MTHFSD: variants seen among roughly 807,000 people sequenced by gnomAD.
The protein encoded by MTHFSD is methenyltetrahydrofolate synthetase domain containing, also known as methenyltetrahydrofolate synthase domain-containing protein.
A neutral mutation model predicts 31.1 loss-of-function variants in MTHFSD; 37 were observed. The observed-to-expected ratio is 1.19, with a 90% CI of 0.91 to 1.56. The LOEUF (loss-of-function observed/expected upper bound fraction) is 1.56. MTHFSD is among the 40% of genes most tolerant of loss of function. MTHFSD has a pLI of 0.00. For synonymous variants in MTHFSD, 221 were observed against 206.9 expected (o/e 1.07, Z -0.59); for missense variants, 664 against 510.1 (o/e 1.30, Z -2.91).
Position 86,531,753 on chromosome 16 carries a change from G to C in MTHFSD, c.*258C>G, listed in dbSNP as rs562694781. The C allele has an allele frequency of 3.9e-5, 13 of 336,196 alleles. No individual in the cohort carries two copies. The highest frequency in any genetic ancestry group is 2.5e-4 in the African/African-American group (12 of 47,208). 20.8% of individuals were successfully genotyped at this position (336,196 alleles called of 1,614,324 possible). A position where few individuals can be genotyped will look rare whatever the true frequency, so the allele number is the denominator to read the frequency against. ...CTGTCCCTCCAGAGAAACAGAAACC[G>C]ACTCAAGGCCCGAGCCTGCACGATT... On this transcript the variant is annotated 3_prime_UTR_variant, in exon 8 of 8. Coordinates refer to ENST00000360900, the MANE Select transcript of MTHFSD (RefSeq NM_001159377.2). This position sits in a 1 kb window ranked among gnomAD's most constrained non-coding sequence, Gnocchi z 5.5.
intron 7 of MTHFSD, among the ~76,000 whole-genome samples, chr16:86,538,279 C>G (rs1970993602): frequency 6.6e-6 from 1 of 152,166 alleles, no homozygotes; most frequent in Non-Finnish European, 1.5e-5. Flanking sequence ...TGTGGTGGGT[C>G]TCCACGGTCC....
At chr16:86,532,891 A>C in intron 7 of MTHFSD, 2 of 154,572 alleles carry the variant, frequency 1.3e-5, no homozygotes, top group Non-Finnish European at 2.9e-5. Flanking sequence ...AGCTCCCCTA[A>C]TGACCCCCCC....
chr16:86,535,879 T>G (rs567588598), intron 7 of MTHFSD, among the ~76,000 whole-genome samples: 4 of 152,256 alleles, frequency 2.6e-5, no homozygotes, highest in African/African-American at 9.6e-5. Flanking sequence ...AGACAGGGTC[T>G]CACTGTGTCA....
intron 2 of MTHFSD, chr16:86,553,321 G>T (rs1195418184): frequency 6.6e-6 from 1 of 152,378 alleles, no homozygotes. Context: ...CGGCCTTGGC[G>T]CCTACTCTGG....
At chr16:86,543,002 G>A (rs907111391) in intron 5 of MTHFSD, among the ~76,000 whole-genome samples, 7 of 152,208 alleles carry the variant, frequency 4.6e-5, no homozygotes, top group African/African-American at 7.2e-5. Context: ...CACTGCTGCC[G>A]TGTCTAAGAC....
intron 3 of MTHFSD, among the ~76,000 whole-genome samples, chr16:86,549,658 C>A (rs930708566): frequency 6.6e-6 from 1 of 152,234 alleles, no homozygotes; most frequent in Non-Finnish European, 1.5e-5. Context: ...ATTAGAATCA[C>A]CAGCAAGCTT....
chr16:86,548,462 AC>A lies in MTHFSD; in HGVS notation c.351+1del. On this transcript the variant is annotated splice_donor_variant, in intron 4 of 7. Transcript: ENST00000360900. LOFTEE classifies it high-confidence loss of function. Reference sequence around the variant, plus strand: ...GGTGGGGACATTGCTTCTGGTACTTACCTGAGAGGTGGCACATTTTCTCAAG... The same window carrying A: ...GGTGGGGACATTGCTTCTGGTACTTACTGAGAGGTGGCACATTTTCTCAAG... The A allele has an allele frequency of 6.2e-7, 1 of 1,611,632 alleles. No individual in the cohort carries two copies. Among genetic ancestry groups the A allele is most frequent in the Non-Finnish European group, 8.5e-7 (1 of 1,178,034 alleles).
intron 7 of MTHFSD, among the ~76,000 whole-genome samples, chr16:86,539,881 T>C (rs1052091539): frequency 2.6e-5 from 4 of 152,166 alleles, no homozygotes; most frequent in Non-Finnish European, 4.4e-5. Context: ...ATCCCAGATA[T>C]TCCAGTAAGA....
At position 86,555,152 on chromosome 16, in the gene MTHFSD, C is replaced by G. The variant is rs761349018; in HGVS notation, c.16+17G>C. The G allele has an allele frequency of 1.3e-6, 2 of 1,535,184 alleles. No individual in the cohort carries two copies. The highest frequency in any genetic ancestry group is 3.9e-5 in the Admixed American group (2 of 50,892). On this transcript the variant is annotated intron_variant, in intron 1 of 7. Coordinates refer to ENST00000360900, the MANE Select transcript of MTHFSD (RefSeq NM_001159377.2). ...TCCCCATTCCCAGCCGCCCCGGAGCCCCGCCAGGCCCCCCACCTGCCCTCG... is the reference window on the plus strand; with the variant it reads ...TCCCCATTCCCAGCCGCCCCGGAGCGCCGCCAGGCCCCCCACCTGCCCTCG...
At chr16:86,535,310 CCCT>C (rs1970530295) in intron 7 of MTHFSD, 8 of 970,400 alleles carry the variant, frequency 8.2e-6, no homozygotes, top group African/African-American at 3.9e-5. Context: ...CACATCAGCT[CCCT>C]CCTCCTCAAG....
intron 3 of MTHFSD, 153 bp downstream of exon 3, chr16:86,551,880 G>C: frequency 1.4e-6 from 2 of 1,424,348 alleles, no homozygotes; most frequent in Non-Finnish European, 9.3e-7. Flanking sequence ...ACTATTCTTG[G>C]AAAAATCACC....
Position 86,552,381 on chromosome 16 carries a change from A to C in MTHFSD, c.124-235T>G, listed in dbSNP as rs1355182804. Reference sequence around the variant, plus strand: ...AGCAGCTCGGCCCAGAATCTCACCCAGACAGGCACTAACAGTCACCCAAAG... The same window carrying C: ...AGCAGCTCGGCCCAGAATCTCACCCCGACAGGCACTAACAGTCACCCAAAG... On this transcript the variant is annotated intron_variant, in intron 2 of 7. Coordinates refer to ENST00000360900, the MANE Select transcript of MTHFSD (RefSeq NM_001159377.2). The C allele has an allele frequency of 4.5e-6, 5 of 1,122,550 alleles. No homozygotes were observed. The Admixed American group carries it at 1.1e-4, about 24-fold the overall frequency. The allele number at this position is 1,122,550 out of a possible 1,614,324, so 69.5% of individuals were successfully genotyped here. A position where few individuals can be genotyped will look rare whatever the true frequency, so the allele number is the denominator to read the frequency against.
intron 4 of MTHFSD, among the ~76,000 whole-genome samples, 177 bp from the exon 5 acceptor site, chr16:86,546,826 G>A (rs1972382062): frequency 1.3e-5 from 2 of 152,182 alleles, no homozygotes; most frequent in South Asian, 4.1e-4. Flanking sequence ...ACCGCTTTAG[G>A]GCACAGTTTC....
At chr16:86,540,660 C>T (rs1971371299) in intron 7 of MTHFSD, 2 of 987,480 alleles carry the variant, frequency 2.0e-6, no homozygotes, top group Admixed American at 5.9e-5. Flanking sequence ...CATTGGCTTC[C>T]ACTTACAAGG....
chr16:86,535,771 T>C (rs1255050303), intron 7 of MTHFSD, among the ~76,000 whole-genome samples: 1 of 152,216 alleles, frequency 6.6e-6, no homozygotes, highest in Non-Finnish European at 1.5e-5. Flanking sequence ...CTTACCATTT[T>C]GGATAAACTG....
intron 7 of MTHFSD, chr16:86,532,808 T>C (rs1436024843): frequency 4.8e-6 from 1 of 207,634 alleles, no homozygotes; most frequent in Non-Finnish European, 9.5e-6. Flanking sequence ...AAGCTGGGGC[T>C]CTCTGCTCAG....
intron 1 of MTHFSD, 122 bp downstream of exon 1, chr16:86,555,047 C>T: frequency 1.4e-6 from 2 of 1,470,176 alleles, no homozygotes; most frequent in Non-Finnish European, 1.8e-6. Context: ...CTGACCTCCT[C>T]GGCCGCTTCC....
At chr16:86,550,754 C>T (rs1404172601) in intron 3 of MTHFSD, among the ~76,000 whole-genome samples, 1 of 152,224 alleles carries the variant, frequency 6.6e-6, no homozygotes, top group Non-Finnish European at 1.5e-5. Context: ...GATTCATTAA[C>T]TGGGAAAATA....
Position 86,540,847 on chromosome 16 carries a change from C to T in MTHFSD, c.681+850G>A, listed in dbSNP as rs554523014. ...CCCTCTGCGTTCATCAGCGGCCAAC[C>T]GAGGAGTGCACACCTGGGAGTCCCC... On this transcript the variant is annotated intron_variant, in intron 7 of 7. Transcript: ENST00000360900. The T allele has an allele frequency of 7.6e-6, 8 of 1,054,444 alleles. No individual in the cohort carries two copies. The South Asian group carries it at 1.6e-4, about 21-fold the overall frequency. The allele number at this position is 1,054,444 out of a possible 1,614,324, so 65.3% of individuals were successfully genotyped here. A position where few individuals can be genotyped will look rare whatever the true frequency, so the allele number is the denominator to read the frequency against.
Sources: gnomAD v4.1 joint callset for allele counts (sites outside exome capture counted in the v4.1 genomes callset) on GRCh38, gnomAD v4.1.1 for gene constraint, Gnocchi (gnomAD v3.1) non-coding constraint, MANE v1.5 for transcripts, NCBI Gene and HGNC (gene_info 2026-07-23, HGNC 2026-07-21) for gene names.